The following AP4S1 variants were observed in gnomAD, a reference collection of about 807,000 sequenced individuals.
The protein encoded by AP4S1 is adaptor related protein complex 4 subunit sigma 1, also known as AP-4 complex subunit sigma-1.
AP4S1 carries 23 observed loss-of-function variants against 19.8 expected under a neutral mutation model. The observed-to-expected ratio is 1.16, with a 90% CI of 0.84 to 1.65. AP4S1 has a LOEUF of 1.65. Among genes scored for constraint, AP4S1 ranks in the 40% most tolerant of loss-of-function variants. AP4S1 has a pLI of 0.00. For missense variants in AP4S1, 166 were observed against 172.8 expected, an observed-to-expected ratio of 0.96 and a Z score of 0.22; for synonymous variants, 46 against 54.1, an observed-to-expected ratio of 0.85 and a Z score of 0.66.
intron 1 of AP4S1, among the ~76,000 whole-genome samples, chr14:31,032,176 G>A (rs1884436309): frequency 6.6e-6 from 1 of 152,130 alleles, no homozygotes; most frequent in African/African-American, 2.4e-5. Context: ...GAGGTCAGGA[G>A]TTCGAGACCA....
intron 1 of AP4S1, among the ~76,000 whole-genome samples, chr14:31,048,769 G>T (rs940056020): frequency 2.0e-5 from 3 of 152,036 alleles, no homozygotes; most frequent in Non-Finnish European, 4.4e-5. Flanking sequence ...CCACGTGCTG[G>T]TAAGTGCTTG....
Position 31,092,970 on chromosome 14 carries a change from G to A in AP4S1, c.370G>A (p.Val124Met), listed in dbSNP as rs1481075148. The change falls in exon 6 of 6, where the codon GTG (valine) becomes ATG (methionine). Residue 124 changes from valine (V) to methionine (M), a missense_variant. By Grantham distance (21) the Val-to-Met change is conservative. Transcript: ENST00000542754. ...TGAGATGGTGTTAAATGGCTGCATT[G>A]TGGAAACTAACAGGGCAAGAATTCT... ...LDEMVLNGCIVETNRARILAP... is the reference protein window; with the variant it reads ...LDEMVLNGCIMETNRARILAP... The A allele has an allele frequency of 6.5e-7, 1 of 1,548,962 alleles. No individual in the cohort carries two copies. The highest frequency in any genetic ancestry group is 2.0e-5 in the Admixed American group (1 of 50,888).
intron 1 of AP4S1, among the ~76,000 whole-genome samples, chr14:31,029,161 A>G (rs576656627): frequency 2.0e-5 from 3 of 152,198 alleles, no homozygotes; most frequent in South Asian, 4.2e-4. Flanking sequence ...ATTCTCAGTA[A>G]TATCTTTCCT....
chr14:31,029,815 AC>A (rs1884280544), intron 1 of AP4S1, among the ~76,000 whole-genome samples: 1 of 150,980 alleles, frequency 6.6e-6, no homozygotes, highest in Admixed American at 6.6e-5. Flanking sequence ...ACAGAGCAAA[AC>A]CCTGTCTTAA....
intron 1 of AP4S1, among the ~76,000 whole-genome samples, chr14:31,035,437 C>T (rs1164688867): frequency 3.3e-5 from 5 of 151,630 alleles, no homozygotes; most frequent in Non-Finnish European, 5.9e-5. Context: ...GTGATCTGCC[C>T]ACCTCAGCCT....
intron 1 of AP4S1, among the ~76,000 whole-genome samples, chr14:31,039,032 G>C (rs1884941368): frequency 6.6e-6 from 1 of 150,704 alleles, no homozygotes; most frequent in African/African-American, 2.4e-5. Flanking sequence ...GGTTTTTTGA[G>C]ACGGTCTTGC....
intron 1 of AP4S1, among the ~76,000 whole-genome samples, chr14:31,046,897 T>C (rs182606337): frequency 6.7e-6 from 1 of 149,942 alleles, no homozygotes; most frequent in Admixed American, 6.6e-5. Context: ...ATATGGTAAA[T>C]TTGTGTTTAA....
At chr14:31,059,995 TTATATGTATTTATGTATA>T (rs1407190744) in intron 1 of AP4S1, among the ~76,000 whole-genome samples, 1,377 of 72,912 alleles carry the variant, frequency 0.019, 23 homozygotes, top group African/African-American at 0.075. Flanking sequence ...GTATATATAT[TTATATGTATTTATGTATA>T]TATGTATATA....
intron 1 of AP4S1, chr14:31,027,264 C>A (rs984591227): frequency 6.6e-6 from 1 of 151,998 alleles, no homozygotes; most frequent in Admixed American, 6.6e-5. Flanking sequence ...TGAATGGGCT[C>A]ACAAATATTG....
chr14:31,034,935 CT>C (rs2139423151), intron 1 of AP4S1, among the ~76,000 whole-genome samples: 1 of 152,044 alleles, frequency 6.6e-6, no homozygotes, highest in Non-Finnish European at 1.5e-5. Flanking sequence ...CCCCACTTAA[CT>C]TTTTATTTTG....
chr14:31,054,273 A>G (rs1422458789), intron 1 of AP4S1, among the ~76,000 whole-genome samples: 2 of 152,244 alleles, frequency 1.3e-5, no homozygotes, highest in South Asian at 2.1e-4. Context: ...ATTATAACCC[A>G]TAGTATAAAA....
At chr14:31,088,525 C>T (rs900691150) in intron 5 of AP4S1, among the ~76,000 whole-genome samples, 2 of 151,840 alleles carry the variant, frequency 1.3e-5, no homozygotes, top group African/African-American at 4.8e-5. Context: ...AAAAAGATAA[C>T]AGCCAGGCGC....
At chr14:31,084,552 C>T (rs946032731) in intron 5 of AP4S1, among the ~76,000 whole-genome samples, 3 of 152,264 alleles carry the variant, frequency 2.0e-5, no homozygotes, top group African/African-American at 7.2e-5. Context: ...TCAGGTGGGG[C>T]GGGCTGCCCC....
chr14:31,071,711 C>T (rs1285821065), intron 3 of AP4S1, among the ~76,000 whole-genome samples: 2 of 151,912 alleles, frequency 1.3e-5, no homozygotes, highest in East Asian at 3.9e-4. Flanking sequence ...AGCCACCGCA[C>T]CCGGCCTAAA....
rs190434083 is a variant in AP4S1 at position 31,049,199 on chromosome 14, G to T, written c.-71-16927G>T. Reference sequence around the variant, plus strand: ...GAGGTCGAGGCGGGTGGATCATGAGGTCAGGAGATCGAGACCATCCTGGCT... The same window carrying T: ...GAGGTCGAGGCGGGTGGATCATGAGTTCAGGAGATCGAGACCATCCTGGCT... On this transcript the variant is annotated intron_variant, in intron 1 of 5. Coordinates refer to ENST00000542754, the MANE Select transcript of AP4S1 (RefSeq NM_001128126.3). 9.0e-4 allele frequency among the ~76,000 whole-genome samples: 137 copies of T among 151,658 alleles called. No individual in the cohort carries two copies. In the East Asian group the frequency reaches 0.017, roughly 18 times the overall value.
At chr14:31,061,885 C>G (rs1048689512) in intron 1 of AP4S1, among the ~76,000 whole-genome samples, 5 of 151,992 alleles carry the variant, frequency 3.3e-5, no homozygotes, top group African/African-American at 1.2e-4. Flanking sequence ...CATGATCCGC[C>G]CGCCTCGGCC....
intron 1 of AP4S1, among the ~76,000 whole-genome samples, chr14:31,057,537 TG>T (rs1308220737): frequency 1.3e-5 from 2 of 152,238 alleles, no homozygotes; most frequent in Non-Finnish European, 2.9e-5. Flanking sequence ...CTCTTTTCTC[TG>T]GGCATTAAGT....
chr14:31,047,944 T>G (rs1885517253), intron 1 of AP4S1, among the ~76,000 whole-genome samples: 1 of 152,212 alleles, frequency 6.6e-6, no homozygotes, highest in African/African-American at 2.4e-5. Flanking sequence ...CCCAAAATGC[T>G]GCGATTACTG....
intron 5 of AP4S1, chr14:31,085,660 C>A: frequency 1.5e-6 from 1 of 653,622 alleles, no homozygotes; most frequent in Non-Finnish European, 1.9e-6. Flanking sequence ...ATAGTCCCAA[C>A]TACTAGGGAG....
Sources: gnomAD v4.1 joint callset for allele counts (sites outside exome capture counted in the v4.1 genomes callset) on GRCh38, gnomAD v4.1.1 for gene constraint, MANE v1.5 for transcripts, NCBI Gene and HGNC (gene_info 2026-07-23, HGNC 2026-07-21) for gene names.